Variants in CTNNA3 observed in about 807,000 individuals in gnomAD.
CTNNA3 encodes catenin alpha-3.
A neutral mutation model predicts 95.7 loss-of-function variants in CTNNA3; 76 were observed. The observed-to-expected ratio is 0.79, with a 90% CI of 0.66 to 0.96. The LOEUF (loss-of-function observed/expected upper bound fraction) is 0.96, where lower values mean the gene tolerates loss of function less well. Among genes scored for constraint, CTNNA3 ranks in the 40% least tolerant of loss-of-function variants. CTNNA3 has a pLI of 0.00. For synonymous variants in CTNNA3, 431 were observed against 374.4 expected, an observed-to-expected ratio of 1.15 and a Z score of -1.74; for missense variants, 1,191 against 1,089.8, an observed-to-expected ratio of 1.09 and a Z score of -1.31.
chr10:67,514,332 G>C (rs987703988), intron 5 of CTNNA3, among the ~76,000 whole-genome samples: 3 of 151,992 alleles, frequency 2.0e-5, no homozygotes, highest in African/African-American at 7.2e-5. Context: ...AAACAGTTAG[G>C]TTAGATGAAT....
intron 7 of CTNNA3, among the ~76,000 whole-genome samples, chr10:67,163,413 A>C (rs1447629917): frequency 6.6e-6 from 1 of 151,982 alleles, no homozygotes; most frequent in African/African-American, 2.4e-5. Flanking sequence ...GACAAAATTC[A>C]ACACCCATTT....
At chr10:66,529,852 A>C (rs1219026587) in intron 10 of CTNNA3, among the ~76,000 whole-genome samples, 1 of 152,164 alleles carries the variant, frequency 6.6e-6, no homozygotes, top group Non-Finnish European at 1.5e-5. Context: ...TTAAAGTTTC[A>C]CTTTGCTTTA....
At chr10:66,148,941 T>G (rs1019848070) in intron 13 of CTNNA3, among the ~76,000 whole-genome samples, 1 of 151,708 alleles carries the variant, frequency 6.6e-6, no homozygotes, top group African/African-American at 2.4e-5. Context: ...TACAGTTATA[T>G]ACATTAATTT....
At chr10:67,175,539 T>C (rs751150370) in intron 7 of CTNNA3, among the ~76,000 whole-genome samples, 3 of 152,164 alleles carry the variant, frequency 2.0e-5, no homozygotes, top group African/African-American at 2.4e-5. Context: ...GAACCAACAA[T>C]GTGCTTCCAC....
At position 67,005,686 on chromosome 10, in the gene CTNNA3, T is replaced by TTTTTTTTTTTTTTTTTG. The variant is rs1229946861; in HGVS notation, c.1047+174630_1047+174631insCAAAAAAAAAAAAAAAA. On this transcript the variant is annotated intron_variant, in intron 7 of 17. Coordinates refer to ENST00000433211, the MANE Select transcript of CTNNA3 (RefSeq NM_013266.4). Reference sequence around the variant, plus strand: ...CTTTTGTTTATTTTACTCCATCTTTTTTTTTTTTTTTTTTTTTGAGACGGA... The same window carrying TTTTTTTTTTTTTTTTTG: ...CTTTTGTTTATTTTACTCCATCTTTTTTTTTTTTTTTTTTTTGTTTTTTTTTTTTTTTTTGAGACGGA... 7.9e-5 allele frequency among the ~76,000 whole-genome samples: 8 copies of TTTTTTTTTTTTTTTTTG among 101,152 alleles called. 1 individual carries two copies. The highest frequency in any genetic ancestry group is 2.5e-4 in the African/African-American group (8 of 31,950). 66.4% of individuals were successfully genotyped at this position (101,152 alleles called of 152,430 possible).
intron 16 of CTNNA3, among the ~76,000 whole-genome samples, chr10:65,970,916 C>T (rs4291566): frequency 0.031 from 4,591 of 150,312 alleles, 88 homozygotes; most frequent in Middle Eastern, 0.094. Context: ...GATAGCCACA[C>T]GATAATGTTG....
chr10:66,301,143 A>T (rs2091857161), intron 12 of CTNNA3, among the ~76,000 whole-genome samples: 1 of 152,152 alleles, frequency 6.6e-6, no homozygotes, highest in African/African-American at 2.4e-5. Context: ...AGATAACATG[A>T]ATAGGCTTAT....
At chr10:66,186,281 AGT>A (rs60910774) in intron 13 of CTNNA3, among the ~76,000 whole-genome samples, 18,987 of 149,508 alleles carry the variant, frequency 0.13, 1,245 homozygotes, top group African/African-American at 0.17. Flanking sequence ...ATAAAATGTG[AGT>A]GTGTGTGTGT....
rs143672701 is a variant in CTNNA3, at chr10:66,858,478, C to T, written c.1048-82954G>A. ...TGGAACAGTTTTAGTAGGAATAGTA[C>T]CCGCTTTTTTATACATACAGTGGGT... On this transcript the variant is annotated intron_variant, in intron 7 of 17. Coordinates refer to ENST00000433211, the MANE Select transcript of CTNNA3 (RefSeq NM_013266.4). Among the ~76,000 whole-genome samples, 1,048 of 152,010 alleles carry T rather than the reference C, an allele frequency of 6.9e-3. 9 individuals are homozygous for T. Among genetic ancestry groups the T allele is most frequent in the African/African-American group, 0.024 (1,006 of 41,488 alleles).
intron 1 of CTNNA3, among the ~76,000 whole-genome samples, chr10:67,730,906 G>A (rs1303984578): frequency 2.0e-5 from 3 of 151,958 alleles, no homozygotes; most frequent in Non-Finnish European, 4.4e-5. Flanking sequence ...CACAATATGT[G>A]GCTTGGCTGT....
chr10:67,350,965 C>A (rs1265829894), intron 5 of CTNNA3, among the ~76,000 whole-genome samples: 3 of 148,506 alleles, frequency 2.0e-5, no homozygotes, highest in Non-Finnish European at 4.5e-5. Context: ...CTGTAAATAA[C>A]CTGCATTCCC....
At chr10:66,520,245 C>CTTTTTTTTTTTTTTT (rs543882241) in intron 11 of CTNNA3, among the ~76,000 whole-genome samples, 5 of 78,010 alleles carry the variant, frequency 6.4e-5, no homozygotes, top group South Asian at 4.7e-4. Flanking sequence ...TAGTATTATT[C>CTTTTTTTTTTTTTTT]TTTTTTTTTT....
intron 15 of CTNNA3, among the ~76,000 whole-genome samples, chr10:66,068,443 C>A (rs2080360475): frequency 6.6e-6 from 1 of 152,082 alleles, no homozygotes; most frequent in Non-Finnish European, 1.5e-5. Flanking sequence ...AACTGTTTCT[C>A]AATTTTAATA....
In CTNNA3 at chr10:67,595,710, T is replaced by A. The variant is rs147058766; in HGVS notation, c.292+11147A>T. ...GTTAGTTTTCTGCCTCCATGGTCTG[T>A]CTAATTCTGTCAGTAGGGTGTTGAA... On this transcript the variant is annotated intron_variant, in intron 3 of 17. Transcript: ENST00000433211. 2.4e-3 allele frequency among the ~76,000 whole-genome samples: 365 copies of A among 152,322 alleles called. 7 individuals are homozygous for A. The highest frequency in any genetic ancestry group is 0.021 in the Admixed American group (322 of 15,308).
chr10:66,928,251 C>T (rs1050900805), intron 7 of CTNNA3: 2 of 1,614,028 alleles, frequency 1.2e-6, no homozygotes, highest in Admixed American at 1.7e-5. Context: ...GGAAGCGGTA[C>T]CCTGCGAGCA....
chr10:67,566,024 C>T (rs1841758734), intron 3 of CTNNA3, among the ~76,000 whole-genome samples: 1 of 52,958 alleles, frequency 1.9e-5, no homozygotes, highest in East Asian at 7.9e-4. Flanking sequence ...CAAACACACA[C>T]ACACACATAT....
At chr10:66,515,722 G>A (rs1215967511) in intron 11 of CTNNA3, among the ~76,000 whole-genome samples, 5 of 152,138 alleles carry the variant, frequency 3.3e-5, no homozygotes, top group African/African-American at 7.2e-5. Context: ...GCAGGAAGGA[G>A]AATGAGAGCC....
intron 7 of CTNNA3, among the ~76,000 whole-genome samples, chr10:66,840,326 T>TCC (rs1745711709): frequency 2.5e-5 from 1 of 40,532 alleles, no homozygotes; most frequent in East Asian, 4.5e-4. Context: ...AGAAGCCATC[T>TCC]CTCTCTCTCT....
chr10:66,367,868 AATAATAATAATAATTATTATTATTATT>A (rs751880065), intron 12 of CTNNA3, among the ~76,000 whole-genome samples: 4,659 of 84,190 alleles, frequency 0.055, 132 homozygotes, highest in South Asian at 0.092. Context: ...TAATAATAAT[AATAATAATAATAATTATTATTATTATT>A]ATTATTATTA....
Sources: gnomAD v4.1 joint callset for allele counts (sites outside exome capture counted in the v4.1 genomes callset) on GRCh38, gnomAD v4.1.1 for gene constraint, MANE v1.5 for transcripts, NCBI Gene and HGNC (gene_info 2026-07-23, HGNC 2026-07-21) for gene names.